The following USP29 variants were observed in gnomAD, a reference collection of about 807,000 sequenced individuals.
USP29 encodes the protein ubiquitin specific peptidase 29.
For missense variants in USP29, 1,102 were observed against 1,069.0 expected, an observed-to-expected ratio of 1.03 and a Z score of -0.43; for synonymous variants, 386 against 387.4, an observed-to-expected ratio of 1.00 and a Z score of 0.04.
At position 57,131,337 on chromosome 19, in the gene USP29, T is replaced by G; in HGVS notation, c.2662T>G (p.Phe888Val). 2 of 1,614,142 alleles carry G rather than the reference T, an allele frequency of 1.2e-6. No individual in the cohort carries two copies. Among genetic ancestry groups the G allele is most frequent in the Non-Finnish European group, 1.7e-6 (2 of 1,180,038 alleles). The part of the protein sequence containing the change: ...YIFFYMHNGI[F>V]EELLRKAENS... ...CTTCTTTTACATGCACAATGGGATTTTTGAGGAGCTGTTAAGAAAAGCAGA... is the reference window on the plus strand; with the variant it reads ...CTTCTTTTACATGCACAATGGGATTGTTGAGGAGCTGTTAAGAAAAGCAGA... Residue 888 changes from phenylalanine to valine, a missense_variant, in exon 4 of 4, where the codon TTT becomes GTT. Coordinates refer to ENST00000254181, the MANE Select transcript of USP29 (RefSeq NM_020903.3).
rs762836634 is a variant in USP29 at position 57,129,151 on chromosome 19, A to G, written c.476A>G (p.Lys159Arg). 4 of 1,613,532 alleles carry G rather than the reference A, an allele frequency of 2.5e-6. No homozygotes were observed. Among genetic ancestry groups the G allele is most frequent in the East Asian group, 4.5e-5 (2 of 44,850 alleles). Reference sequence around the variant, plus strand: ...TCAAAATCACCAACACATGTGAAAAAGGGGATATTAGAAAATCAAGGTGGG... The same window carrying G: ...TCAAAATCACCAACACATGTGAAAAGGGGGATATTAGAAAATCAAGGTGGG... ...FMSKSPTHVK[K>R]GILENQGGKG... The change falls in exon 4 of 4, where the codon AAG becomes AGG. Residue 159 changes from lysine to arginine, a missense_variant. Coordinates refer to ENST00000254181, the MANE Select transcript of USP29 (RefSeq NM_020903.3).
chr19:57,120,797 A>AAAAAAAAAAAAAC (rs2086791009), intron 1 of USP29, among the ~76,000 whole-genome samples: 1 of 146,576 alleles, frequency 6.8e-6, no homozygotes, highest in African/African-American at 2.5e-5. Flanking sequence ...TCAAAAAAAA[A>AAAAAAAAAAAAAC]AAAAAAAAAA....
intron 3 of USP29, among the ~76,000 whole-genome samples, chr19:57,126,872 GT>G (rs1275006717): frequency 6.6e-6 from 1 of 152,098 alleles, no homozygotes; most frequent in African/African-American, 2.4e-5. Context: ...TGTTGTGCTG[GT>G]TTTTCCTCAT....
At position 57,131,453 on chromosome 19, in the gene USP29, C is replaced by A; in HGVS notation, c.*9C>A. The A allele has an allele frequency of 6.3e-7, 1 of 1,590,394 alleles. No individual in the cohort carries two copies. Among genetic ancestry groups the A allele is most frequent in the Non-Finnish European group, 8.6e-7 (1 of 1,169,360 alleles). ...TGTACAGACCTGCTTGACAGACTCA[C>A]TCGGCCTCACTTCATCCTTGCAAAG... On this transcript the variant is annotated 3_prime_UTR_variant, in exon 4 of 4. Coordinates refer to ENST00000254181, the MANE Select transcript of USP29 (RefSeq NM_020903.3).
At position 57,131,451 on chromosome 19, in the gene USP29, C is replaced by G; in HGVS notation, c.*7C>G. ...TTTGTACAGACCTGCTTGACAGACT[C>G]ACTCGGCCTCACTTCATCCTTGCAA... On this transcript the variant is annotated 3_prime_UTR_variant, in exon 4 of 4. Coordinates refer to ENST00000254181, the MANE Select transcript of USP29 (RefSeq NM_020903.3). 6.3e-7 allele frequency: 1 copy of G among 1,590,580 alleles called. No homozygotes were observed. The highest frequency in any genetic ancestry group is 1.1e-5 in the South Asian group (1 of 87,024).
intron 2 of USP29, among the ~76,000 whole-genome samples, chr19:57,122,998 T>C (rs2086805937): frequency 6.6e-6 from 1 of 152,212 alleles, no homozygotes; most frequent in African/African-American, 2.4e-5. Context: ...ACATTAATTA[T>C]AATCATGGAA....
intron 3 of USP29, among the ~76,000 whole-genome samples, chr19:57,128,258 G>T (rs78216816): frequency 0.056 from 8,477 of 152,152 alleles, 709 homozygotes; most frequent in East Asian, 0.42. Flanking sequence ...ATTTTATGTA[G>T]CGATGAGGTC....
upstream of USP29, among the ~76,000 whole-genome samples, chr19:57,119,719 GGCCGGGATGACTGTTA>G (rs2086783504): frequency 2.6e-5 from 4 of 152,106 alleles, no homozygotes; most frequent in African/African-American, 7.2e-5. Flanking sequence ...CACCGCGCCC[GGCCGGGATGACTGTTA>G]TTAACAATTC....
At chr19:57,127,134 A>G (rs1439057067) in intron 3 of USP29, among the ~76,000 whole-genome samples, 1 of 152,154 alleles carries the variant, frequency 6.6e-6, no homozygotes, top group Non-Finnish European at 1.5e-5. Flanking sequence ...CTTCCTCTGG[A>G]AGATTTGTCC....
In USP29 at chr19:57,130,033, A is replaced by C; in HGVS notation, c.1358A>C (p.Tyr453Ser). The change falls in exon 4 of 4, where the codon TAT (tyrosine) becomes TCT (serine). Residue 453 changes from tyrosine (Y) to serine (S), a missense_variant. Physicochemically the swap from Tyr to Ser is moderately radical, Grantham distance 144. Coordinates refer to ENST00000254181, the MANE Select transcript of USP29 (RefSeq NM_020903.3). ...HAVLKVEPNN[Y>S]LSINLHQETK... ...GTTCTCAAGGTAGAACCTAATAATT[A>C]TCTCTCCATCAACCTGCACCAAGAA... The C allele has an allele frequency of 6.2e-7, 1 of 1,614,102 alleles. No homozygotes were observed.
intron 3 of USP29, among the ~76,000 whole-genome samples, chr19:57,128,152 A>C (rs1276220385): frequency 2.0e-5 from 3 of 151,662 alleles, no homozygotes; most frequent in Non-Finnish European, 4.4e-5. Context: ...GAAATGCAGA[A>C]ATCGCCCACC....
chr19:57,129,917 T>A lies in USP29; in HGVS notation c.1242T>A (p.Ser414Arg), dbSNP rs376514076. 3.7e-6 allele frequency: 6 copies of A among 1,614,208 alleles called. No homozygotes were observed. The South Asian group carries it at 5.5e-5, about 15-fold the overall frequency. The change falls in exon 4 of 4, where the codon AGT becomes AGA. Residue 414 changes from serine (S) to arginine (R), a missense_variant. Physicochemically the swap from Ser to Arg is moderately radical, Grantham distance 110. Coordinates refer to ENST00000254181, the MANE Select transcript of USP29 (RefSeq NM_020903.3). ...ENSSPQMHVG[S>R]AATKVFVCPV... The stretch of plus-strand genomic sequence containing the variant: ...CATCTCCACAAATGCATGTTGGTAG[T>A]GCTGCCACCAAAGTGTTTGTTTGCC...
intron 3 of USP29, among the ~76,000 whole-genome samples, chr19:57,126,127 T>C (rs2086822972): frequency 6.6e-6 from 1 of 152,214 alleles, no homozygotes; most frequent in Non-Finnish European, 1.5e-5. Flanking sequence ...AGCAATCCAC[T>C]ATTAATCTGA....
rs1211161058 is a variant in USP29 at position 57,120,008 on chromosome 19, AGGGGAGTC to A, written c.-486_-479del. 1 of 152,492 alleles carries A rather than the reference AGGGGAGTC, an allele frequency of 6.6e-6. No individual in the cohort carries two copies. Among genetic ancestry groups the A allele is most frequent in the African/African-American group, 2.4e-5 (1 of 41,468 alleles). 9.4% of individuals were successfully genotyped at this position (152,492 alleles called of 1,614,324 possible). Reference sequence around the variant, plus strand: ...GAACTCTTCTGTTCCCAGGAGAATCAGGGGAGTCGGCGCCGGAAGGGGCGGGTCCGAGC... The same window carrying A: ...GAACTCTTCTGTTCCCAGGAGAATCAGGCGCCGGAAGGGGCGGGTCCGAGC... On this transcript the variant is annotated 5_prime_UTR_variant, in exon 1 of 4. Coordinates refer to ENST00000254181, the MANE Select transcript of USP29 (RefSeq NM_020903.3).
At chr19:57,119,391 C>T (rs145321836), upstream of USP29, among the ~76,000 whole-genome samples, 267 of 152,296 alleles carry the variant, frequency 1.8e-3, 1 homozygote, top group Non-Finnish European at 2.8e-3. Flanking sequence ...TCTCTTCTGT[C>T]TCTTCCACCT....
At position 57,131,038 on chromosome 19, in the gene USP29, G is replaced by A. The variant is rs746322635; in HGVS notation, c.2363G>A (p.Gly788Asp). The A allele has an allele frequency of 4.3e-6, 7 of 1,613,966 alleles. No individual in the cohort carries two copies. Among genetic ancestry groups the A allele is most frequent in the Admixed American group, 1.7e-5 (1 of 59,974 alleles). Reference sequence around the variant, plus strand: ...GACCTGAATCACCTTGGGGCACTGGGTTCTGACAACCCAGGAAACAAAAAC... The same window carrying A: ...GACCTGAATCACCTTGGGGCACTGGATTCTGACAACCCAGGAAACAAAAAC... ...KADLNHLGAL[G>D]SDNPGNKNIL... The change falls in exon 4 of 4, where the codon GGT (glycine) becomes GAT (aspartate). Residue 788 changes from glycine to aspartate, a missense_variant. By Grantham distance (94) the Gly-to-Asp change is moderately conservative (BLOSUM62 -1). Transcript: ENST00000254181.
At chr19:57,119,799 T>C (rs2086783876), upstream of USP29, among the ~76,000 whole-genome samples, 1 of 152,116 alleles carries the variant, frequency 6.6e-6, no homozygotes, top group African/African-American at 2.4e-5. Flanking sequence ...CGCTTGAGGC[T>C]GAATGGGTAA....
chr19:57,128,617 A>C, intron 3 of USP29, 43 bp from the exon 4 acceptor site: 4 of 1,488,102 alleles, frequency 2.7e-6, no homozygotes, highest in Non-Finnish European at 3.6e-6. Context: ...TATAACTGTT[A>C]ATATATTCTT....
chr19:57,127,820 G>C (rs2086831405), intron 3 of USP29, among the ~76,000 whole-genome samples: 1 of 152,014 alleles, frequency 6.6e-6, no homozygotes, highest in Admixed American at 6.5e-5. Context: ...GGCACCACTG[G>C]TGTACAAAAA....
Sources: allele counts gnomAD v4.1 joint callset (sites outside exome capture counted in the v4.1 genomes callset), GRCh38; gene constraint gnomAD v4.1.1; transcripts MANE v1.5; gene names NCBI Gene and HGNC (gene_info 2026-07-23, HGNC 2026-07-21).